MYLK: variants seen among roughly 807,000 people sequenced by gnomAD.
MYLK encodes myosin light chain kinase, smooth muscle.
A neutral mutation model predicts 203.4 loss-of-function variants in MYLK; 106 were observed. The ratio of observed to expected loss-of-function variants is 0.52; its 90% CI spans 0.45 to 0.61. The LOEUF is 0.61. MYLK is among the 20% of genes least tolerant of loss of function. The pLI, the probability that MYLK is intolerant of heterozygous loss-of-function variation, is 0.00. For missense variants in MYLK, 2,072 were observed against 2,442.3 expected (o/e 0.85, Z 3.20); for synonymous variants, 867 against 959.5 (o/e 0.90, Z 1.78).
At chr3:123,637,576 A>G (rs1284990612) in intron 29 of MYLK, among the ~76,000 whole-genome samples, 1 of 152,162 alleles carries the variant, frequency 6.6e-6, no homozygotes, top group African/African-American at 2.4e-5. Flanking sequence ...TCGATCATCA[A>G]TAGTGTTTAT....
chr3:123,834,163 A>G (rs1577094069), intron 2 of MYLK, among the ~76,000 whole-genome samples: 1 of 152,072 alleles, frequency 6.6e-6, no homozygotes, highest in East Asian at 1.9e-4. Context: ...CTTGTGCCTC[A>G]GTCTCCCAAG....
chr3:123,674,087 C>T (rs1203990688), intron 20 of MYLK, among the ~76,000 whole-genome samples: 1 of 152,158 alleles, frequency 6.6e-6, no homozygotes, highest in Non-Finnish European at 1.5e-5. Flanking sequence ...ATCCAACTAC[C>T]TGACCATCAT....
chr3:123,708,639 C>G, intron 15 of MYLK, 59 bp downstream of exon 15: 1 of 1,599,150 alleles, frequency 6.3e-7, no homozygotes, highest in South Asian at 1.1e-5. Context: ...CTCCAAATCA[C>G]TTTTGGAGGG....
intron 24 of MYLK, among the ~76,000 whole-genome samples, chr3:123,654,862 G>A (rs1036171542): frequency 3.3e-5 from 5 of 151,732 alleles, no homozygotes; most frequent in South Asian, 2.1e-4. Flanking sequence ...GACCACAGGC[G>A]CATGCCACCA....
intron 19 of MYLK, 124 bp from the exon 20 acceptor site, chr3:123,682,434 TG>T: frequency 1.3e-6 from 1 of 777,688 alleles, no homozygotes. Flanking sequence ...TTGTGCCCGC[TG>T]GGCAGAACAG....
intron 3 of MYLK, among the ~76,000 whole-genome samples, chr3:123,817,067 C>T (rs929522749): frequency 1.3e-5 from 2 of 152,216 alleles, no homozygotes; most frequent in Non-Finnish European, 2.9e-5. Flanking sequence ...TCTTGGCTCA[C>T]TTCCTCACTC....
At chr3:123,812,183 C>T (rs1054083575) in intron 3 of MYLK, among the ~76,000 whole-genome samples, 2 of 152,172 alleles carry the variant, frequency 1.3e-5, no homozygotes, top group Non-Finnish European at 2.9e-5. Context: ...TTAGTCAGGG[C>T]TGGGTTCTAT....
At chr3:123,827,694 CATATAT>C (rs3052386) in intron 3 of MYLK, among the ~76,000 whole-genome samples, 718 of 24,052 alleles carry the variant, frequency 0.03, 13 homozygotes, top group Non-Finnish European at 0.046. Flanking sequence ...TGAAAAACAC[CATATAT>C]ATATATATAT....
At chr3:123,860,853 G>T (rs556432089) in intron 2 of MYLK, among the ~76,000 whole-genome samples, 3 of 152,128 alleles carry the variant, frequency 2.0e-5, no homozygotes, top group Non-Finnish European at 2.9e-5. Context: ...GACACAGGCC[G>T]GGCACAGTGG....
At chr3:123,687,392 T>C (rs2060493091) in intron 19 of MYLK, among the ~76,000 whole-genome samples, 1 of 152,260 alleles carries the variant, frequency 6.6e-6, no homozygotes, top group African/African-American at 2.4e-5. Context: ...TGGGTTTAAC[T>C]TCCCACTCTG....
intron 19 of MYLK, chr3:123,692,222 C>A (rs1373784933): frequency 2.7e-6 from 2 of 753,512 alleles, no homozygotes; most frequent in East Asian, 1.6e-4. Flanking sequence ...ATTACTACTA[C>A]CATTTTGTTT....
At chr3:123,711,056 A>C (rs1025911399) in intron 13 of MYLK, among the ~76,000 whole-genome samples, 2 of 151,826 alleles carry the variant, frequency 1.3e-5, no homozygotes, top group African/African-American at 2.4e-5. Context: ...ACACCACTGC[A>C]CTCCAGCCTG....
chr3:123,863,300 G>C (rs2032068090), intron 2 of MYLK, among the ~76,000 whole-genome samples: 1 of 148,648 alleles, frequency 6.7e-6, no homozygotes, highest in South Asian at 2.1e-4. Context: ...ATGAGAAAAT[G>C]GTGATTATCT....
At chr3:123,880,366 G>T (rs2682227) in intron 1 of MYLK, among the ~76,000 whole-genome samples, 6,143 of 152,146 alleles carry the variant, frequency 0.04, 419 homozygotes, top group African/African-American at 0.14. Context: ...AACTATAAAA[G>T]CCCCAAGTTG....
At chr3:123,737,585 C>T (rs2168439) in intron 7 of MYLK, 42 bp from the exon 8 acceptor site, 1,592,181 of 1,612,808 alleles carry the variant, frequency 0.99, 787,527 homozygotes, top group East Asian at 1. Flanking sequence ...CAAATCTGCT[C>T]ACCTTCTGGC....
At chr3:123,786,574 A>T in intron 4 of MYLK, among the ~76,000 whole-genome samples, 1 of 151,800 alleles carries the variant, frequency 6.6e-6, no homozygotes, top group East Asian at 1.9e-4. Context: ...AAAAAGAAAA[A>T]ATAAGACCTA....
At chr3:123,781,620 AAACTCCAACACC>A (rs2064302156) in intron 4 of MYLK, among the ~76,000 whole-genome samples, 1 of 152,228 alleles carries the variant, frequency 6.6e-6, no homozygotes, top group African/African-American at 2.4e-5. Flanking sequence ...ACCACAAAGA[AAACTCCAACACC>A]AACTCCAATA....
At chr3:123,787,622 A>G (rs1431937505) in intron 4 of MYLK, among the ~76,000 whole-genome samples, 1 of 152,196 alleles carries the variant, frequency 6.6e-6, no homozygotes, top group Admixed American at 6.5e-5. Flanking sequence ...CAGGAAGAAC[A>G]TGAGACTTAG....
intron 24 of MYLK, among the ~76,000 whole-genome samples, chr3:123,653,284 G>C (rs1474679213): frequency 6.6e-6 from 1 of 152,090 alleles, no homozygotes. Flanking sequence ...ACTTCCCTGA[G>C]AGCCATTTCC....
Sources: allele counts gnomAD v4.1 joint callset (sites outside exome capture counted in the v4.1 genomes callset), GRCh38; gene constraint gnomAD v4.1.1; transcripts MANE v1.5; gene names NCBI Gene and HGNC (gene_info 2026-07-23, HGNC 2026-07-21).